The following INPP4B variants were observed in gnomAD, a reference collection of about 807,000 sequenced individuals.
INPP4B encodes inositol polyphosphate 4-phosphatase type II.
A neutral mutation model predicts 122.5 loss-of-function variants in INPP4B; 55 were observed. The ratio of observed to expected loss-of-function variants is 0.45; its 90% CI spans 0.36 to 0.56. INPP4B has a LOEUF of 0.56. INPP4B is among the 20% of genes least tolerant of loss of function. The probability of loss-of-function intolerance (pLI) is 0.00; values close to 1 mark genes in which losing one functional copy is unlikely to be tolerated. For synonymous variants in INPP4B, 403 were observed against 388.7 expected, an observed-to-expected ratio of 1.04 and a Z score of -0.43; for missense variants, 1,000 against 1,097.7, an observed-to-expected ratio of 0.91 and a Z score of 1.26.
chr4:142,537,672 G>A (rs931401176), intron 2 of INPP4B, among the ~76,000 whole-genome samples: 22 of 151,578 alleles, frequency 1.5e-4, no homozygotes, highest in African/African-American at 4.8e-4. Context: ...AACGGTGAGA[G>A]ATAAAAAATT....
At chr4:142,291,369 A>C (rs1756401225) in intron 9 of INPP4B, among the ~76,000 whole-genome samples, 1 of 152,214 alleles carries the variant, frequency 6.6e-6, no homozygotes. Context: ...AACTAATGAC[A>C]GAACTTAGAC....
intron 2 of INPP4B, among the ~76,000 whole-genome samples, chr4:142,614,957 T>C (rs939842100): frequency 2.6e-5 from 4 of 152,130 alleles, no homozygotes; most frequent in Non-Finnish European, 5.9e-5. Context: ...TCTAAATTAG[T>C]ACAACCTCTA....
intron 2 of INPP4B, among the ~76,000 whole-genome samples, chr4:142,683,746 T>C (rs1758963706): frequency 6.6e-6 from 1 of 151,868 alleles, no homozygotes; most frequent in African/African-American, 2.4e-5. Context: ...TGAGGATATA[T>C]GAATCACATG....
chr4:142,835,699 G>A lies in INPP4B; in HGVS notation c.-254+10510C>T, dbSNP rs551583730. Among the ~76,000 whole-genome samples, 4 of 152,290 alleles carry A rather than the reference G, an allele frequency of 2.6e-5. No individual in the cohort carries two copies. The South Asian group carries it at 8.3e-4, about 32-fold the overall frequency. On this transcript the variant is annotated intron_variant, in intron 1 of 25. Coordinates refer to ENST00000262992, the MANE Select transcript of INPP4B (RefSeq NM_001101669.3). ...TGTTTGGTTGTTATACAAAGTAATA[G>A]ATAATTTTGGATAATGTTATGACAC...
chr4:142,690,034 C>T (rs1044219514), intron 2 of INPP4B, among the ~76,000 whole-genome samples: 3 of 152,056 alleles, frequency 2.0e-5, no homozygotes, highest in Non-Finnish European at 1.5e-5. Flanking sequence ...CTGTATATTG[C>T]TTTTGAGTTT....
intron 2 of INPP4B, among the ~76,000 whole-genome samples, chr4:142,603,228 A>G (rs1238087280): frequency 3.3e-4 from 50 of 151,920 alleles, no homozygotes; most frequent in Admixed American, 3.3e-3. Flanking sequence ...GGCCTGTCAG[A>G]GAGGGGTGTG....
At chr4:142,074,544 A>G (rs910354615) in intron 25 of INPP4B, among the ~76,000 whole-genome samples, 2 of 152,134 alleles carry the variant, frequency 1.3e-5, no homozygotes, top group African/African-American at 4.8e-5. Flanking sequence ...CATTATACCT[A>G]TTGGTTTATA....
intron 23 of INPP4B, among the ~76,000 whole-genome samples, chr4:142,106,779 C>T (rs111700355): frequency 1.3e-5 from 2 of 152,074 alleles, no homozygotes; most frequent in African/African-American, 4.8e-5. Flanking sequence ...GTGTGGCCTG[C>T]GAATTTGCAT....
chr4:142,124,368 A>G (rs1482011666), intron 19 of INPP4B, among the ~76,000 whole-genome samples: 1 of 152,090 alleles, frequency 6.6e-6, no homozygotes, highest in Non-Finnish European at 1.5e-5. Context: ...CATGTTAGAG[A>G]CTTGGCCATC....
At chr4:142,544,989 A>G (rs903383025) in intron 2 of INPP4B, among the ~76,000 whole-genome samples, 2 of 152,204 alleles carry the variant, frequency 1.3e-5, no homozygotes, top group Non-Finnish European at 2.9e-5. Flanking sequence ...TTATGGTTAC[A>G]TTCTAAGAGT....
chr4:142,502,051 T>A (rs1356914683), intron 2 of INPP4B, among the ~76,000 whole-genome samples: 4 of 152,142 alleles, frequency 2.6e-5, no homozygotes, highest in African/African-American at 4.8e-5. Flanking sequence ...AAATAACAGT[T>A]AAAAACAGTA....
intron 25 of INPP4B, among the ~76,000 whole-genome samples, chr4:142,061,559 A>G (rs1760642799): frequency 6.6e-6 from 1 of 152,104 alleles, no homozygotes; most frequent in South Asian, 2.1e-4. Context: ...ATTTACACCT[A>G]TTCTTTTCTC....
At chr4:142,043,378 A>C (rs2152344184) in intron 25 of INPP4B, among the ~76,000 whole-genome samples, 1 of 152,356 alleles carries the variant, frequency 6.6e-6, no homozygotes, top group South Asian at 2.1e-4. Context: ...GAGAGGAATA[A>C]CTTCCAAGGT....
chr4:142,548,063 A>C (rs987902724), intron 2 of INPP4B, among the ~76,000 whole-genome samples: 1 of 152,198 alleles, frequency 6.6e-6, no homozygotes, highest in Admixed American at 6.6e-5. Context: ...GTGGGAAAAT[A>C]GGCTGTGACT....
intron 7 of INPP4B, among the ~76,000 whole-genome samples, chr4:142,366,258 T>C (rs1266641969): frequency 6.6e-6 from 1 of 151,496 alleles, no homozygotes; most frequent in East Asian, 1.9e-4. Flanking sequence ...CTAATGATAA[T>C]CCACCACCCT....
At chr4:142,468,831 A>G (rs1040847152) in intron 2 of INPP4B, among the ~76,000 whole-genome samples, 1 of 152,152 alleles carries the variant, frequency 6.6e-6, no homozygotes, top group African/African-American at 2.4e-5. Flanking sequence ...ATCCAGCCTC[A>G]GGTGTTCTTT....
intron 2 of INPP4B, among the ~76,000 whole-genome samples, chr4:142,516,915 T>C (rs1403883592): frequency 6.6e-6 from 1 of 152,098 alleles, no homozygotes; most frequent in African/African-American, 2.4e-5. Context: ...AACAGCTCGC[T>C]ACTGTTACAC....
intron 2 of INPP4B, among the ~76,000 whole-genome samples, chr4:142,708,111 G>GT (rs1762675016): frequency 6.6e-6 from 1 of 152,162 alleles, no homozygotes; most frequent in South Asian, 2.1e-4. Flanking sequence ...CAGAGTGATG[G>GT]TTTTGGGTAT....
At chr4:142,245,817 CAT>C (rs1185286703) in intron 11 of INPP4B, among the ~76,000 whole-genome samples, 2 of 122,162 alleles carry the variant, frequency 1.6e-5, no homozygotes, top group African/African-American at 6.4e-5. Flanking sequence ...TGTATGTATA[CAT>C]ATATGTGTAT....
Sources: allele counts gnomAD v4.1 joint callset (sites outside exome capture counted in the v4.1 genomes callset), GRCh38; gene constraint gnomAD v4.1.1; transcripts MANE v1.5; gene names NCBI Gene and HGNC (gene_info 2026-07-23, HGNC 2026-07-21).